Variants in SRD5A2 observed in about 807,000 individuals in gnomAD.
The protein encoded by SRD5A2 is 3-oxo-5-alpha-steroid 4-dehydrogenase 2.
Under a neutral mutation model 27.4 loss-of-function variants are expected in SRD5A2, and 30 were observed. That is an observed-to-expected ratio of 1.10 (90% CI 0.82 to 1.49). SRD5A2 has a LOEUF of 1.49. Ranked by LOEUF, SRD5A2 falls within the 40% of genes most tolerant of loss-of-function variation. The pLI is 0.00. For missense variants in SRD5A2, 348 were observed against 323.4 expected (o/e 1.08, Z -0.58); for synonymous variants, 141 against 133.6 (o/e 1.06, Z -0.38).
chr2:31,640,775 G>T, the SRD5A2 span, among the ~76,000 whole-genome samples: 2 of 152,022 alleles, frequency 1.3e-5, no homozygotes, highest in Non-Finnish European at 2.9e-5. Context: ...GGATGGGGAT[G>T]GTAGTCCTAC....
At chr2:31,631,648 C>CTG in the SRD5A2 span, among the ~76,000 whole-genome samples, 126 of 152,264 alleles carry the variant, frequency 8.3e-4, 1 homozygote, top group South Asian at 0.024. Flanking sequence ...AGGGTTAAGA[C>CTG]AGTCCTTTGA....
At chr2:31,640,571 G>A in the SRD5A2 span, among the ~76,000 whole-genome samples, 14 of 152,042 alleles carry the variant, frequency 9.2e-5, no homozygotes, top group African/African-American at 2.7e-4. Flanking sequence ...CATTTGCCAC[G>A]GCTCTATTAA....
At chr2:31,575,749 T>G (rs937552418) in intron 1 of SRD5A2, among the ~76,000 whole-genome samples, 1 of 152,250 alleles carries the variant, frequency 6.6e-6, no homozygotes, top group African/African-American at 2.4e-5. Context: ...TCATGGAAAT[T>G]ACATTGCCCA....
intron 1 of SRD5A2, among the ~76,000 whole-genome samples, chr2:31,544,248 C>A (rs1489288157): frequency 6.6e-6 from 1 of 151,670 alleles, no homozygotes; most frequent in Non-Finnish European, 1.5e-5. Context: ...TTAAAGAATT[C>A]AATACCACAC....
At chr2:31,646,192 CAGTT>C in the SRD5A2 span, among the ~76,000 whole-genome samples, 3 of 152,126 alleles carry the variant, frequency 2.0e-5, no homozygotes, top group Admixed American at 2.0e-4. Context: ...CACACACACA[CAGTT>C]AGAAGTCAGG....
chr2:31,645,078 T>C, the SRD5A2 span, among the ~76,000 whole-genome samples: 8 of 152,312 alleles, frequency 5.3e-5, no homozygotes, highest in East Asian at 7.7e-4. Context: ...GTGTCAGCTA[T>C]AACCCTAATT....
chr2:31,543,109 T>C (rs1382923236), intron 1 of SRD5A2, among the ~76,000 whole-genome samples: 5 of 152,174 alleles, frequency 3.3e-5, no homozygotes, highest in Non-Finnish European at 7.3e-5. Context: ...TACAAATTTC[T>C]CATCAGAAAT....
chr2:31,527,145 G>C (rs1166357624), intron 4 of SRD5A2: 1 of 152,218 alleles, frequency 6.6e-6, no homozygotes, highest in Non-Finnish European at 1.5e-5. Flanking sequence ...GGACAAATCT[G>C]TGTTGTTTTA....
chr2:31,612,703 G>A, the SRD5A2 span, among the ~76,000 whole-genome samples: 72 of 152,128 alleles, frequency 4.7e-4, 1 homozygote, highest in Admixed American at 6.6e-5. Flanking sequence ...GACTGTAAAC[G>A]CCCAAAGCAA....
chr2:31,619,282 C>A, the SRD5A2 span, among the ~76,000 whole-genome samples: 1 of 152,188 alleles, frequency 6.6e-6, no homozygotes, highest in East Asian at 1.9e-4. Context: ...AGAGTTACCA[C>A]ATGACCGAGT....
In SRD5A2 at chr2:31,522,573, A is replaced by G; in HGVS notation, c.*3623T>C. 4.9e-6 allele frequency: 1 copy of G among 205,288 alleles called. No homozygotes were observed. The highest frequency in any genetic ancestry group is 1.0e-5 in the Non-Finnish European group (1 of 100,342). 12.7% of individuals were successfully genotyped at this position (205,288 alleles called of 1,614,324 possible). ...GGAGAAATGAGGCACAATGCAAATA[A>G]CACAGAACTCTTTAAGATCACAACT... On this transcript the variant is annotated 3_prime_UTR_variant, in exon 5 of 5. Transcript: ENST00000622030.
upstream of SRD5A2, among the ~76,000 whole-genome samples, chr2:31,581,515 T>C (rs1435019408): frequency 6.6e-6 from 1 of 152,130 alleles, no homozygotes; most frequent in Non-Finnish European, 1.5e-5. Flanking sequence ...CAGTGCCAGC[T>C]CTGCCCCACC....
At chr2:31,645,936 T>C in the SRD5A2 span, among the ~76,000 whole-genome samples, 1 of 152,186 alleles carries the variant, frequency 6.6e-6, no homozygotes, top group Non-Finnish European at 1.5e-5. Flanking sequence ...GGTACCTTCC[T>C]GCATAATGGG....
the SRD5A2 span, among the ~76,000 whole-genome samples, chr2:31,609,259 C>A: frequency 6.6e-6 from 1 of 151,936 alleles, no homozygotes; most frequent in Non-Finnish European, 1.5e-5. Flanking sequence ...CTGTCAGAAT[C>A]CCAGCTGACT....
the SRD5A2 span, among the ~76,000 whole-genome samples, chr2:31,593,294 A>G: frequency 6.6e-6 from 1 of 152,196 alleles, no homozygotes; most frequent in African/African-American, 2.4e-5. Flanking sequence ...AAAAAAATAC[A>G]AAATATGGAT....
chr2:31,576,530 C>T (rs1454691945), intron 1 of SRD5A2, among the ~76,000 whole-genome samples: 1 of 61,632 alleles, frequency 1.6e-5, no homozygotes. Flanking sequence ...GAAATAGGAA[C>T]ACTTTTACAC....
chr2:31,625,096 T>G, the SRD5A2 span, among the ~76,000 whole-genome samples: 1 of 152,198 alleles, frequency 6.6e-6, no homozygotes, highest in Non-Finnish European at 1.5e-5. Context: ...TGATTTGCAT[T>G]TCTCTGATGA....
At chr2:31,574,009 C>T (rs1486380263) in intron 1 of SRD5A2, among the ~76,000 whole-genome samples, 1 of 152,234 alleles carries the variant, frequency 6.6e-6, no homozygotes, top group Non-Finnish European at 1.5e-5. Flanking sequence ...ACCTATCCAC[C>T]TATCTATCTG....
chr2:31,527,619 G>A (rs1219659165), intron 4 of SRD5A2: 1 of 152,066 alleles, frequency 6.6e-6, no homozygotes, highest in African/African-American at 2.4e-5. Context: ...TCCTTCCCAG[G>A]GACCCTCCAA....
Sources: allele counts gnomAD v4.1 joint callset (sites outside exome capture counted in the v4.1 genomes callset), GRCh38; gene constraint gnomAD v4.1.1; transcripts MANE v1.5; gene names NCBI Gene and HGNC (gene_info 2026-07-23, HGNC 2026-07-21).